Variants in GALNT13 observed in about 807,000 individuals in gnomAD.
GALNT13 encodes the protein polypeptide N-acetylgalactosaminyltransferase 13.
Under a neutral mutation model 64.2 loss-of-function variants are expected in GALNT13, and 28 were observed. The ratio of observed to expected loss-of-function variants is 0.44; its 90% CI spans 0.32 to 0.60. The LOEUF (loss-of-function observed/expected upper bound fraction) is 0.60. Ranked by LOEUF, GALNT13 falls within the 20% of genes least tolerant of loss-of-function variation. The pLI is 0.05. For missense variants in GALNT13, 577 were observed against 669.8 expected (o/e 0.86, Z 1.53); for synonymous variants, 214 against 224.6 (o/e 0.95, Z 0.42).
intron 3 of GALNT13, among the ~76,000 whole-genome samples, chr2:153,971,056 A>C (rs1693703479): frequency 6.6e-6 from 1 of 152,162 alleles, no homozygotes; most frequent in African/African-American, 2.4e-5. Context: ...TGTTCCAGTC[A>C]CATTGGCTTT....
the GALNT13 span, among the ~76,000 whole-genome samples, chr2:153,098,235 C>A: frequency 2.0e-5 from 3 of 152,248 alleles, no homozygotes; most frequent in East Asian, 5.8e-4. Flanking sequence ...TCTTTAATAG[C>A]CTTCTTCATG....
At chr2:153,498,315 G>T in the GALNT13 span, among the ~76,000 whole-genome samples, 4 of 152,224 alleles carry the variant, frequency 2.6e-5, no homozygotes, top group Non-Finnish European at 5.9e-5. Context: ...TGTGGCTGGC[G>T]GCACCTTCTG....
At chr2:154,103,812 T>G (rs1401310080) in intron 3 of GALNT13, among the ~76,000 whole-genome samples, 1 of 152,174 alleles carries the variant, frequency 6.6e-6, no homozygotes, top group African/African-American at 2.4e-5. Flanking sequence ...GGCAATGTAT[T>G]TGGCGTATGA....
chr2:154,199,011 C>A (rs1419104461), intron 4 of GALNT13, among the ~76,000 whole-genome samples: 2 of 151,836 alleles, frequency 1.3e-5, no homozygotes, highest in Non-Finnish European at 2.9e-5. Flanking sequence ...TGTATATGTT[C>A]AAATGGAGAA....
chr2:153,493,999 G>T, the GALNT13 span, among the ~76,000 whole-genome samples: 8 of 151,768 alleles, frequency 5.3e-5, no homozygotes, highest in Non-Finnish European at 8.8e-5. Flanking sequence ...AAGGTCAGAG[G>T]ATAGGGGGCT....
chr2:154,193,637 A>G (rs1322810219), intron 4 of GALNT13, among the ~76,000 whole-genome samples: 1 of 152,234 alleles, frequency 6.6e-6, no homozygotes, highest in Non-Finnish European at 1.5e-5. Context: ...CTCTTGATTC[A>G]GTGCTGCACC....
At chr2:154,151,228 A>G (rs1683996483) in intron 4 of GALNT13, among the ~76,000 whole-genome samples, 1 of 152,092 alleles carries the variant, frequency 6.6e-6, no homozygotes. Flanking sequence ...GTTTCCATGT[A>G]GTTGAGCAGT....
the GALNT13 span, chr2:153,478,507 C>T: frequency 1.2e-6 from 2 of 1,609,504 alleles, no homozygotes; most frequent in Non-Finnish European, 1.7e-6. Context: ...CAGCGCCTCG[C>T]TGCTGTTGGC....
chr2:153,542,354 ACACAC>A, the GALNT13 span, among the ~76,000 whole-genome samples: 1 of 62,904 alleles, frequency 1.6e-5, no homozygotes, highest in African/African-American at 1.2e-4. Context: ...AAACACACAC[ACACAC>A]AAAAAAAAAA....
At chr2:153,711,979 T>C in the GALNT13 span, among the ~76,000 whole-genome samples, 9 of 152,172 alleles carry the variant, frequency 5.9e-5, no homozygotes, top group Non-Finnish European at 1.5e-5. Flanking sequence ...TTGAGTAAAA[T>C]ACGCTACTTC....
intron 12 of GALNT13, chr2:154,446,786 T>G (rs1701604043): frequency 6.8e-7 from 1 of 1,467,872 alleles, no homozygotes; most frequent in Non-Finnish European, 9.0e-7. Context: ...CAGATTTTAT[T>G]AAATTTATTT....
chr2:154,446,975 G>GT (rs1299007453), intron 12 of GALNT13, among the ~76,000 whole-genome samples: 4 of 151,274 alleles, frequency 2.6e-5, no homozygotes, highest in Non-Finnish European at 4.4e-5. Flanking sequence ...ATGAGTAGGG[G>GT]TTTTTTTGTT....
At position 154,396,110 on chromosome 2, in the gene GALNT13, C is replaced by A; in HGVS notation, c.1276C>A (p.Arg426Ser). 1 of 1,602,698 alleles carries A rather than the reference C, an allele frequency of 6.2e-7. No individual in the cohort carries two copies. Among genetic ancestry groups the A allele is most frequent in the Non-Finnish European group, 8.5e-7 (1 of 1,174,840 alleles). ...CTATCCGGACTCCCAGATCCCAAGACGTTATTACTCACTTGGTGAGGTATG... is the reference window on the plus strand; with the variant it reads ...CTATCCGGACTCCCAGATCCCAAGAAGTTATTACTCACTTGGTGAGGTATG... Reference protein sequence around the residue: ...NIYPDSQIPRRYYSLGEIRNV... With the variant: ...NIYPDSQIPRSYYSLGEIRNV... The change falls in exon 10 of 13, where the codon CGT (arginine) becomes AGT (serine). Residue 426 changes from arginine (R) to serine (S), a missense_variant. By Grantham distance (110) the Arg-to-Ser change is moderately radical (BLOSUM62 -1). This residue lies in a region of GALNT13 where 232 missense variants were observed against 270.6 expected (regional missense o/e 0.86). Coordinates refer to ENST00000392825, the MANE Select transcript of GALNT13 (RefSeq NM_052917.4).
At chr2:153,484,017 T>TA in the GALNT13 span, among the ~76,000 whole-genome samples, 6 of 152,196 alleles carry the variant, frequency 3.9e-5, no homozygotes, top group African/African-American at 1.4e-4. Flanking sequence ...TAAAAATTGT[T>TA]AAAATAGTTT....
At chr2:154,292,719 G>A (rs1056935985) in intron 8 of GALNT13, among the ~76,000 whole-genome samples, 10 of 152,092 alleles carry the variant, frequency 6.6e-5, no homozygotes, top group African/African-American at 2.2e-4. Context: ...GGATGACTTC[G>A]TGCCAGAGGT....
chr2:154,166,324 G>T (rs1166702699), intron 4 of GALNT13, among the ~76,000 whole-genome samples: 1 of 152,154 alleles, frequency 6.6e-6, no homozygotes, highest in African/African-American at 2.4e-5. Flanking sequence ...AGAATGGTTT[G>T]AACCCAGGAG....
At chr2:154,147,151 A>G (rs561966499) in intron 4 of GALNT13, among the ~76,000 whole-genome samples, 1 of 152,048 alleles carries the variant, frequency 6.6e-6, no homozygotes, top group African/African-American at 2.4e-5. Context: ...CTGAAACTCT[A>G]TAGCCGTTAA....
the GALNT13 span, among the ~76,000 whole-genome samples, chr2:153,103,846 T>G: frequency 6.6e-6 from 1 of 152,234 alleles, no homozygotes. Context: ...CTGAGAAATC[T>G]GGTCTCTACT....
intron 8 of GALNT13, among the ~76,000 whole-genome samples, chr2:154,265,589 C>T (rs1218817359): frequency 6.6e-6 from 1 of 152,116 alleles, no homozygotes; most frequent in Non-Finnish European, 1.5e-5. Flanking sequence ...ATCCCAGCTA[C>T]TTGGGAGGCT....
Sources: gnomAD v4.1 joint callset for allele counts (sites outside exome capture counted in the v4.1 genomes callset) on GRCh38, gnomAD v4.1.1 for gene constraint, gnomAD v4.1.1 regional missense constraint, MANE v1.5 for transcripts, NCBI Gene and HGNC (gene_info 2026-07-23, HGNC 2026-07-21) for gene names.